Variants in MSRA observed in about 807,000 individuals in gnomAD.
MSRA encodes the protein methionine sulfoxide reductase A.
MSRA carries 54 observed loss-of-function variants against 31.3 expected under a neutral mutation model. The observed-to-expected ratio is 1.73, with a 90% CI of 1.39 to 2.17. The LOEUF (loss-of-function observed/expected upper bound fraction) is 2.17, where lower values mean the gene tolerates loss of function less well. Ranked by LOEUF, MSRA falls within the 30% of genes most tolerant of loss-of-function variation. The pLI is 0.00. For missense variants in MSRA, 507 were observed against 300.9 expected (o/e 1.69, Z -5.07); for synonymous variants, 169 against 116.5 (o/e 1.45, Z -2.90).
At chr8:10,152,822 C>T (rs564690279) in intron 1 of MSRA, among the ~76,000 whole-genome samples, 28 of 152,214 alleles carry the variant, frequency 1.8e-4, no homozygotes, top group African/African-American at 6.7e-4. Flanking sequence ...TAGTATTCAG[C>T]CTTAAAAAGG....
chr8:10,369,975 G>A (rs1805387413), intron 5 of MSRA, among the ~76,000 whole-genome samples: 1 of 152,192 alleles, frequency 6.6e-6, no homozygotes, highest in African/African-American at 2.4e-5. Context: ...AATCCTTGAT[G>A]GACACTTGGC....
intron 1 of MSRA, among the ~76,000 whole-genome samples, chr8:10,182,692 C>A (rs1218383518): frequency 6.6e-6 from 1 of 152,170 alleles, no homozygotes; most frequent in Non-Finnish European, 1.5e-5. Flanking sequence ...TTTCCAAGAG[C>A]CATTGGGCTC....
intron 3 of MSRA, 77 bp from the exon 4 acceptor site, chr8:10,301,457 T>C (rs1171434896): frequency 2.7e-6 from 3 of 1,126,722 alleles, no homozygotes; most frequent in South Asian, 2.7e-5. Flanking sequence ...TTGTCTGTTG[T>C]TTTTTTTGTG....
chr8:10,107,763 G>T (rs1481179382), intron 1 of MSRA, among the ~76,000 whole-genome samples: 1 of 152,092 alleles, frequency 6.6e-6, no homozygotes, highest in East Asian at 1.9e-4. Flanking sequence ...GTAGTTTACC[G>T]TGGTGAGCCT....
chr8:10,237,619 T>C (rs1453271914), intron 2 of MSRA, among the ~76,000 whole-genome samples: 1 of 152,178 alleles, frequency 6.6e-6, no homozygotes, highest in Non-Finnish European at 1.5e-5. Context: ...CTCTACTAGG[T>C]ATTTTGACTC....
At position 10,054,469 on chromosome 8, in the gene MSRA, T is replaced by TA. The variant is rs1802170200; in HGVS notation, c.-48_-47insA. The TA allele has an allele frequency of 6.7e-7, 1 of 1,495,590 alleles. No homozygotes were observed. Among genetic ancestry groups the TA allele is most frequent in the African/African-American group, 1.5e-5 (1 of 68,462 alleles). The allele number at this position is 1,495,590 out of a possible 1,614,324, so 92.6% of individuals were successfully genotyped here. A position where few individuals can be genotyped will look rare whatever the true frequency, so the allele number is the denominator to read the frequency against. On this transcript the variant is annotated 5_prime_UTR_variant, in exon 1 of 6. Coordinates refer to ENST00000317173, the MANE Select transcript of MSRA (RefSeq NM_012331.5). ...TCTGCCGTTCCGGCTGCGGCTCCGC[T>TA]GCCGGTAGCGCCGTCCCCCGGGACC... is the stretch of plus-strand genomic sequence containing the variant.
chr8:10,350,850 G>T (rs1804086234), intron 5 of MSRA, among the ~76,000 whole-genome samples: 1 of 152,252 alleles, frequency 6.6e-6, no homozygotes. Flanking sequence ...GCTTCAGGCT[G>T]TCCCAGCCCT....
intron 3 of MSRA, among the ~76,000 whole-genome samples, chr8:10,253,477 G>T (rs75669079): frequency 0.036 from 5,499 of 152,212 alleles, 140 homozygotes; most frequent in East Asian, 0.084. Flanking sequence ...AATTTTGGTG[G>T]TAAAATTCAA....
intron 1 of MSRA, among the ~76,000 whole-genome samples, chr8:10,148,956 A>G (rs1803407160): frequency 1.4e-5 from 1 of 70,530 alleles, no homozygotes; most frequent in Admixed American, 2.3e-4. Context: ...GTCGCTGGTA[A>G]ATTTTTTTTT....
At chr8:10,173,951 C>T (rs1004349125) in intron 1 of MSRA, among the ~76,000 whole-genome samples, 1 of 152,172 alleles carries the variant, frequency 6.6e-6, no homozygotes, top group Non-Finnish European at 1.5e-5. Context: ...TGGCTGAGGT[C>T]AGCATCCACA....
At chr8:10,060,729 T>C (rs1263597646) in intron 1 of MSRA, among the ~76,000 whole-genome samples, 1 of 152,170 alleles carries the variant, frequency 6.6e-6, no homozygotes, top group Non-Finnish European at 1.5e-5. Context: ...TTTGGCGTGA[T>C]TGAAAAATCA....
chr8:10,182,426 C>A (rs538608670), intron 1 of MSRA, among the ~76,000 whole-genome samples: 1 of 152,152 alleles, frequency 6.6e-6, no homozygotes, highest in Non-Finnish European at 1.5e-5. Flanking sequence ...CAGCTGGGTC[C>A]TCTACTTCAG....
chr8:10,117,000 T>G (rs540602714), intron 1 of MSRA, among the ~76,000 whole-genome samples: 14 of 152,230 alleles, frequency 9.2e-5, no homozygotes, highest in Admixed American at 2.0e-4. Context: ...AGGCAGAGGC[T>G]CAAATGTAGG....
chr8:10,371,159 T>C (rs1355856411), intron 5 of MSRA, among the ~76,000 whole-genome samples: 1 of 152,186 alleles, frequency 6.6e-6, no homozygotes, highest in Non-Finnish European at 1.5e-5. Context: ...AATTCTTTAG[T>C]TATTTTTAGG....
chr8:10,269,277 T>C (rs778800670), intron 3 of MSRA, among the ~76,000 whole-genome samples: 1 of 152,246 alleles, frequency 6.6e-6, no homozygotes, highest in Non-Finnish European at 1.5e-5. Context: ...AGTGGTTTCA[T>C]TGTAACTCAT....
At chr8:10,268,545 T>A (rs1298703764) in intron 3 of MSRA, among the ~76,000 whole-genome samples, 1 of 152,262 alleles carries the variant, frequency 6.6e-6, no homozygotes, top group Non-Finnish European at 1.5e-5. Context: ...CTTCTCTCCC[T>A]ATCATCTAGA....
chr8:10,157,439 A>G (rs1219304045), intron 1 of MSRA, among the ~76,000 whole-genome samples: 3 of 152,162 alleles, frequency 2.0e-5, no homozygotes, highest in East Asian at 1.9e-4. Context: ...AAATAGCATG[A>G]CATTTTCAAA....
chr8:10,158,223 A>T (rs575521137), intron 1 of MSRA, among the ~76,000 whole-genome samples: 1 of 152,238 alleles, frequency 6.6e-6, no homozygotes, highest in South Asian at 2.1e-4. Context: ...AAAGATGTCA[A>T]CATCTGGACT....
intron 3 of MSRA, among the ~76,000 whole-genome samples, chr8:10,274,600 G>A (rs989909263): frequency 6.6e-6 from 1 of 152,180 alleles, no homozygotes; most frequent in Admixed American, 6.5e-5. Context: ...GAGTTGTGCT[G>A]TATATATAGA....
Sources: allele counts gnomAD v4.1 joint callset (sites outside exome capture counted in the v4.1 genomes callset), GRCh38; gene constraint gnomAD v4.1.1; transcripts MANE v1.5; gene names NCBI Gene and HGNC (gene_info 2026-07-23, HGNC 2026-07-21).